The following SYT16 variants were observed in gnomAD, a reference collection of about 807,000 sequenced individuals.
The protein encoded by SYT16 is synaptotagmin-16.
SYT16 carries 42 observed loss-of-function variants against 61.4 expected under a neutral mutation model. The observed-to-expected ratio is 0.68, with a 90% CI of 0.53 to 0.89. The LOEUF is 0.89. Among genes scored for constraint, SYT16 ranks in the 40% least tolerant of loss-of-function variants. The pLI, the probability that SYT16 is intolerant of heterozygous loss-of-function variation, is 0.00. For missense variants in SYT16, 804 were observed against 807.3 expected, an observed-to-expected ratio of 1.00 and a Z score of 0.05; for synonymous variants, 314 against 302.3, an observed-to-expected ratio of 1.04 and a Z score of -0.40.
At chr14:61,993,597 G>A (rs2052645690) in intron 2 of SYT16, among the ~76,000 whole-genome samples, 2 of 151,978 alleles carry the variant, frequency 1.3e-5, no homozygotes, top group Admixed American at 1.3e-4. Flanking sequence ...AGAGAACCTT[G>A]TAAATCTGTG....
chr14:61,935,205 C>T (rs750704085), intron 1 of SYT16, among the ~76,000 whole-genome samples: 2 of 152,122 alleles, frequency 1.3e-5, no homozygotes, highest in Non-Finnish European at 2.9e-5. Flanking sequence ...CTCCTCCAGC[C>T]AAGAGGTCAG....
rs1595333967 is a variant in SYT16 at position 62,067,376 on chromosome 14, G to C, written c.524-2227G>C. ...TGTTCAGGGAGGACTGTAGGATGAA[G>C]TGCCAGTCAAGCTGAGACCTGCGAT... is the stretch of plus-strand genomic sequence containing the variant. On this transcript the variant is annotated intron_variant, in intron 3 of 7. Coordinates refer to ENST00000683842, the MANE Select transcript of SYT16 (RefSeq NM_001367656.1). 2.0e-5 allele frequency among the ~76,000 whole-genome samples: 3 copies of C among 152,276 alleles called. No individual in the cohort carries two copies. In the Middle Eastern group the frequency reaches 0.01, roughly 518 times the overall value.
At chr14:61,827,223 G>C (rs1163256518) in intron 1 of SYT16, among the ~76,000 whole-genome samples, 1 of 152,188 alleles carries the variant, frequency 6.6e-6, no homozygotes, top group Non-Finnish European at 1.5e-5. Context: ...CAGTTCTCCT[G>C]TTTTCAGCCC....
chr14:62,018,720 T>C (rs1316816097), intron 3 of SYT16, among the ~76,000 whole-genome samples: 1 of 152,112 alleles, frequency 6.6e-6, no homozygotes, highest in Non-Finnish European at 1.5e-5. Flanking sequence ...TTCCGTTGGG[T>C]CTTTGCTCCA....
intron 1 of SYT16, among the ~76,000 whole-genome samples, chr14:61,884,378 A>G (rs1227180419): frequency 6.6e-6 from 1 of 152,216 alleles, no homozygotes; most frequent in East Asian, 1.9e-4. Context: ...AAGTAAGTTA[A>G]TTATTACGTC....
intron 1 of SYT16, among the ~76,000 whole-genome samples, chr14:61,968,582 G>T (rs1025122002): frequency 2.0e-5 from 3 of 152,188 alleles, no homozygotes; most frequent in African/African-American, 7.2e-5. Flanking sequence ...AGTTGGTGAT[G>T]AGAAAGATGG....
chr14:61,987,050 A>C (rs1362878541), intron 2 of SYT16, among the ~76,000 whole-genome samples: 1 of 152,146 alleles, frequency 6.6e-6, no homozygotes, highest in East Asian at 1.9e-4. Flanking sequence ...AGTAAGTGTT[A>C]ATAAGAAATA....
chr14:61,971,400 G>A (rs967491767), intron 2 of SYT16, among the ~76,000 whole-genome samples: 3 of 152,092 alleles, frequency 2.0e-5, no homozygotes, highest in Non-Finnish European at 4.4e-5. Flanking sequence ...CTGAAGGCTG[G>A]ACTGTGGTGT....
chr14:61,931,662 T>C (rs2049774092), intron 1 of SYT16, among the ~76,000 whole-genome samples: 1 of 152,212 alleles, frequency 6.6e-6, no homozygotes, highest in South Asian at 2.1e-4. Flanking sequence ...ACTTTTAGGT[T>C]GTTTCCATTT....
At chr14:61,980,950 G>T (rs918599335) in intron 2 of SYT16, among the ~76,000 whole-genome samples, 28 of 118,532 alleles carry the variant, frequency 2.4e-4, no homozygotes, top group Non-Finnish European at 2.2e-4. Flanking sequence ...CATTGTGTGT[G>T]TGTGTGTGTT....
intron 1 of SYT16, among the ~76,000 whole-genome samples, chr14:61,918,297 T>C (rs557946693): frequency 6.6e-6 from 1 of 152,140 alleles, no homozygotes; most frequent in Admixed American, 6.5e-5. Flanking sequence ...ATTAATCATA[T>C]GGGCGGAAAT....
In SYT16 at chr14:62,107,702, C is replaced by T. The variant is rs1413804726; in HGVS notation, c.*6995C>T. 6.6e-6 allele frequency: 1 copy of T among 152,006 alleles called. No individual in the cohort carries two copies. Among genetic ancestry groups the T allele is most frequent in the Admixed American group, 6.6e-5 (1 of 15,252 alleles). 9.4% of individuals were successfully genotyped at this position (152,006 alleles called of 1,614,324 possible). The stretch of plus-strand genomic sequence containing the variant: ...ATTTAGGGAAGGTGAAAGTTATTAC[C>T]CTGTATCTAATTAAGAAATAGGTAC... On this transcript the variant is annotated 3_prime_UTR_variant, in exon 8 of 8. Transcript: ENST00000683842.
At chr14:61,846,592 G>T (rs1172155627) in intron 1 of SYT16, among the ~76,000 whole-genome samples, 2 of 152,054 alleles carry the variant, frequency 1.3e-5, no homozygotes, top group African/African-American at 4.8e-5. Flanking sequence ...AGATCACTGG[G>T]TCTTGCTTTT....
chr14:61,904,147 G>A (rs2048619300), intron 1 of SYT16, among the ~76,000 whole-genome samples: 1 of 152,170 alleles, frequency 6.6e-6, no homozygotes, highest in Admixed American at 6.5e-5. Context: ...GGATACCACT[G>A]GAACTATCCA....
Position 61,824,553 on chromosome 14 carries a change from T to C in SYT16, c.-325+11743T>C, listed in dbSNP as rs138860229. Among the ~76,000 whole-genome samples the C allele has an allele frequency of 5.9e-3, 891 of 152,156 alleles. 12 individuals carry two copies. The highest frequency in any genetic ancestry group is 0.023 in the South Asian group (112 of 4,816). On this transcript the variant is annotated intron_variant, in intron 1 of 7. Coordinates refer to ENST00000683842, the MANE Select transcript of SYT16 (RefSeq NM_001367656.1). Reference sequence around the variant, plus strand: ...ATTTTTAGTAGAGACGGGGTTTCACTGTGTTAGCCAGGATGGTCTCAATCT... The same window carrying C: ...ATTTTTAGTAGAGACGGGGTTTCACCGTGTTAGCCAGGATGGTCTCAATCT...
chr14:62,012,011 AC>A (rs5809136), intron 3 of SYT16, among the ~76,000 whole-genome samples: 64,149 of 146,696 alleles, frequency 0.44, 14,439 homozygotes, highest in East Asian at 0.7. Flanking sequence ...TAAAAAAAAA[AC>A]AACCTCTCAT....
intron 3 of SYT16, among the ~76,000 whole-genome samples, chr14:62,028,196 G>A (rs2054173521): frequency 6.6e-6 from 1 of 152,132 alleles, no homozygotes; most frequent in African/African-American, 2.4e-5. Flanking sequence ...TCAATTGATT[G>A]TCTTGCAATG....
chr14:62,011,936 T>C (rs1407452682), intron 3 of SYT16, among the ~76,000 whole-genome samples: 1 of 137,394 alleles, frequency 7.3e-6, no homozygotes, highest in African/African-American at 3.2e-5. Context: ...CATATATATA[T>C]ATATATTTGA....
intron 3 of SYT16, among the ~76,000 whole-genome samples, chr14:62,063,278 G>A (rs758967914): frequency 5.9e-5 from 9 of 152,286 alleles, no homozygotes; most frequent in South Asian, 2.1e-4. Context: ...TTTCCTGTGC[G>A]TATAAATGCC....
Sources: allele counts gnomAD v4.1 joint callset (sites outside exome capture counted in the v4.1 genomes callset), GRCh38; gene constraint gnomAD v4.1.1; transcripts MANE v1.5; gene names NCBI Gene and HGNC (gene_info 2026-07-23, HGNC 2026-07-21).